The following PKIB variants were observed in gnomAD, a reference collection of about 807,000 sequenced individuals.
The protein encoded by PKIB is PKI-beta.
A neutral mutation model predicts 4.5 loss-of-function variants in PKIB; 2 were observed. That is an observed-to-expected ratio of 0.44 (90% CI 0.18 to 1.39). PKIB has a LOEUF of 1.39. PKIB is among the 40% of genes most tolerant of loss of function. The pLI is 0.27. For missense variants in PKIB, 94 were observed against 92.6 expected (o/e 1.02, Z -0.06); for synonymous variants, 38 against 36.0 (o/e 1.06, Z -0.20).
intron 2 of PKIB, among the ~76,000 whole-genome samples, chr6:122,561,482 T>A (rs554149641): frequency 8.5e-4 from 130 of 152,184 alleles, no homozygotes; most frequent in Admixed American, 2.3e-3. Context: ...TGATCTATCT[T>A]GGAGAAAGTT....
intron 3 of PKIB, among the ~76,000 whole-genome samples, chr6:122,603,245 C>T (rs541305544): frequency 2.5e-4 from 38 of 152,038 alleles, no homozygotes; most frequent in Middle Eastern, 3.4e-3. Context: ...ATATCTAATA[C>T]GAATAACATA....
intron 3 of PKIB, among the ~76,000 whole-genome samples, chr6:122,716,938 G>A (rs1262060096): frequency 1.3e-5 from 2 of 152,154 alleles, no homozygotes; most frequent in Non-Finnish European, 2.9e-5. Flanking sequence ...AGGCCTAGCT[G>A]AGAGGCTAGC....
intron 1 of PKIB, among the ~76,000 whole-genome samples, chr6:122,611,608 C>T (rs1281732715): frequency 3.3e-5 from 5 of 152,150 alleles, no homozygotes; most frequent in African/African-American, 4.8e-5. Context: ...CATTTCTCTT[C>T]GTGTACAGAT....
intron 2 of PKIB, among the ~76,000 whole-genome samples, chr6:122,673,980 A>G (rs1777567350): frequency 6.6e-6 from 1 of 152,180 alleles, no homozygotes; most frequent in Admixed American, 6.5e-5. Flanking sequence ...TGAAGAAGAT[A>G]TACTAGCAAG....
chr6:122,680,998 G>C (rs1324100401), intron 3 of PKIB, among the ~76,000 whole-genome samples: 1 of 151,964 alleles, frequency 6.6e-6, no homozygotes, highest in African/African-American at 2.4e-5. Context: ...CTTTGCTGTG[G>C]CCACACTGAC....
chr6:122,690,731 GC>G lies in PKIB; in HGVS notation c.-9+15588del, dbSNP rs151322474. Among the ~76,000 whole-genome samples the G allele has an allele frequency of 2.2e-3, 331 of 151,966 alleles. 1 individual carries two copies. Among genetic ancestry groups the G allele is most frequent in the Non-Finnish European group, 4.0e-3 (275 of 67,944 alleles). On this transcript the variant is annotated intron_variant, in intron 3 of 4. Transcript: ENST00000368452. ...GTGTTATAATATGCTGTATTTTTCTGCGTGCTTATTAGTAACAGTGAGTTTT... is the reference window on the plus strand; with the variant it reads ...GTGTTATAATATGCTGTATTTTTCTGGTGCTTATTAGTAACAGTGAGTTTT...
At chr6:122,526,646 G>T (rs1195333281) in intron 2 of PKIB, among the ~76,000 whole-genome samples, 8 of 152,090 alleles carry the variant, frequency 5.3e-5, no homozygotes, top group Non-Finnish European at 1.2e-4. Context: ...AATAAGCCAT[G>T]CTGTCAGTGA....
At chr6:122,512,118 A>G (rs1776606209) in intron 2 of PKIB, among the ~76,000 whole-genome samples, 1 of 152,212 alleles carries the variant, frequency 6.6e-6, no homozygotes, top group Non-Finnish European at 1.5e-5. Context: ...TTAAAATTAT[A>G]GTGGTATCCT....
intron 2 of PKIB, among the ~76,000 whole-genome samples, chr6:122,648,281 T>G (rs1776404437): frequency 6.6e-6 from 1 of 152,220 alleles, no homozygotes; most frequent in Non-Finnish European, 1.5e-5. Flanking sequence ...TCTGGTGGAT[T>G]GCTAAGTGTA....
chr6:122,655,083 G>A (rs1776713449), intron 2 of PKIB, among the ~76,000 whole-genome samples: 1 of 152,074 alleles, frequency 6.6e-6, no homozygotes, highest in Admixed American at 6.6e-5. Context: ...CACCCCCAGG[G>A]TTCAAAAGAT....
At chr6:122,721,049 A>G (rs1779721397) in intron 4 of PKIB, among the ~76,000 whole-genome samples, 1 of 152,168 alleles carries the variant, frequency 6.6e-6, no homozygotes, top group South Asian at 2.1e-4. Flanking sequence ...AGGAGAAAAC[A>G]GTGCAAATGA....
chr6:122,718,834 T>C (rs1021232575), intron 4 of PKIB, among the ~76,000 whole-genome samples: 6 of 152,224 alleles, frequency 3.9e-5, no homozygotes, highest in Non-Finnish European at 7.4e-5. Flanking sequence ...TCATTCTCTA[T>C]GAAATAGTTA....
chr6:122,689,116 C>A (rs1361139267), intron 3 of PKIB, among the ~76,000 whole-genome samples: 1 of 152,066 alleles, frequency 6.6e-6, no homozygotes, highest in African/African-American at 2.4e-5. Context: ...GTTGTAACAT[C>A]TCCTTTTTCA....
At chr6:122,482,502 G>T (rs1360532255) in intron 2 of PKIB, 1 of 149,200 alleles carries the variant, frequency 6.7e-6, no homozygotes, top group Non-Finnish European at 1.5e-5. Context: ...CCTTGTGTGT[G>T]AATTTTAGCA....
chr6:122,566,391 A>G (rs1283214173), intron 2 of PKIB, among the ~76,000 whole-genome samples: 1 of 152,062 alleles, frequency 6.6e-6, no homozygotes, highest in Non-Finnish European at 1.5e-5. Context: ...ACTGAACTCA[A>G]TTATTTCACA....
At chr6:122,558,803 G>A (rs1772926326) in intron 2 of PKIB, among the ~76,000 whole-genome samples, 1 of 151,994 alleles carries the variant, frequency 6.6e-6, no homozygotes, top group South Asian at 2.1e-4. Context: ...TTGGTTACAT[G>A]AGTAAGTTCT....
At chr6:122,554,837 C>T (rs1218284904) in intron 2 of PKIB, among the ~76,000 whole-genome samples, 1 of 152,036 alleles carries the variant, frequency 6.6e-6, no homozygotes, top group Non-Finnish European at 1.5e-5. Context: ...TCTAAAAAAT[C>T]AATTCAAAAG....
intron 2 of PKIB, among the ~76,000 whole-genome samples, chr6:122,660,014 C>T (rs373698200): frequency 2.6e-5 from 4 of 152,066 alleles, no homozygotes; most frequent in African/African-American, 4.8e-5. Context: ...TGAAAGAGCA[C>T]GAAAATTAAT....
At chr6:122,564,286 A>G (rs1308931166) in intron 2 of PKIB, among the ~76,000 whole-genome samples, 1 of 152,134 alleles carries the variant, frequency 6.6e-6, no homozygotes, top group Admixed American at 6.5e-5. Flanking sequence ...ATCTGGAGCT[A>G]AAATTCACAA....
Sources: allele counts gnomAD v4.1 joint callset (sites outside exome capture counted in the v4.1 genomes callset), GRCh38; gene constraint gnomAD v4.1.1; transcripts MANE v1.5; gene names NCBI Gene and HGNC (gene_info 2026-07-23, HGNC 2026-07-21).